The following TBX5 variants were observed in gnomAD, a reference collection of about 807,000 sequenced individuals.
TBX5 encodes T-box transcription factor TBX5.
In TBX5, 8 loss-of-function variants were observed where a neutral mutation model predicts 51.1. The ratio of observed to expected loss-of-function variants is 0.16; its 90% CI spans 0.09 to 0.28. The LOEUF (loss-of-function observed/expected upper bound fraction) is 0.28, where lower values mean the gene tolerates loss of function less well. Ranked by LOEUF, TBX5 falls within the 10% of genes least tolerant of loss-of-function variation. The pLI, the probability that TBX5 is intolerant of heterozygous loss-of-function variation, is 1.00. For missense variants in TBX5, 589 were observed against 671.7 expected (o/e 0.88, Z 1.36); for synonymous variants, 302 against 266.4 (o/e 1.13, Z -1.30).
At chr12:114,385,835 G>T (rs1260001640) in intron 6 of TBX5, among the ~76,000 whole-genome samples, 1 of 118,762 alleles carries the variant, frequency 8.4e-6, no homozygotes, top group Non-Finnish European at 1.8e-5. Context: ...CATTCCAGCT[G>T]GGTTCTTTTT....
chr12:114,385,486 T>C lies in TBX5; in HGVS notation c.745A>G (p.Arg249Gly), dbSNP rs1207284425. 2.5e-6 allele frequency: 4 copies of C among 1,614,050 alleles called. No individual in the cohort carries two copies. The African/African-American group carries it at 5.3e-5, about 22-fold the overall frequency. The change falls in exon 7 of 9, where the codon AGA (arginine) becomes GGA (glycine). Residue 249 changes from arginine (R) to glycine (G), a missense_variant. Arg to Gly is a moderately radical substitution (Grantham distance 125, BLOSUM62 -2). Around this residue, in one of 7 missense-constraint regions of TBX5, gnomAD observed 348 missense variants for 360.4 expected, o/e 0.97. Transcript: ENST00000405440. ...SDDMELHRMS[R>G]MQSKEYPVVP... Reference sequence around the variant, plus strand: ...AATCCACTTTCCTACCTTTGCATTCTTGACATTCTGTGCAGCTCCATGTCA... The same window carrying C: ...AATCCACTTTCCTACCTTTGCATTCCTGACATTCTGTGCAGCTCCATGTCA...
In TBX5 at chr12:114,399,548, G is replaced by A. The variant is rs749667596; in HGVS notation, c.327C>T (p.Ala109=). The stretch of plus-strand genomic sequence containing the variant: ...CTGCGAATTTGTATCTGTGATCGTC[G>A]GCAGGTACAATGTCCATGAGAAGAA... The part of the protein sequence containing the change: ...KYILLMDIVP[A]DDHRYKFADN... The change falls in exon 4 of 9, where the codon GCC becomes GCT. Residue 109 remains alanine, a synonymous_variant. Transcript: ENST00000405440. 144 of 1,613,938 alleles carry A rather than the reference G, an allele frequency of 8.9e-5. No individual in the cohort carries two copies. Among genetic ancestry groups the A allele is most frequent in the Non-Finnish European group, 1.2e-4 (140 of 1,180,034 alleles).
chr12:114,373,036 G>A (rs1870003227), intron 7 of TBX5, among the ~76,000 whole-genome samples: 1 of 149,842 alleles, frequency 6.7e-6, no homozygotes, highest in African/African-American at 2.5e-5. Context: ...GGGACACATT[G>A]CTCAATAAAC....
rs1157834821 is a variant in TBX5, at chr12:114,354,043, G to A, written c.*1489C>T. The A allele has an allele frequency of 6.6e-6, 1 of 152,374 alleles. No individual in the cohort carries two copies. Among genetic ancestry groups the A allele is most frequent in the East Asian group, 1.9e-4 (1 of 5,184 alleles). 9.4% of individuals were successfully genotyped at this position (152,374 alleles called of 1,614,324 possible). On this transcript the variant is annotated 3_prime_UTR_variant, in exon 9 of 9. Transcript: ENST00000405440. ...CAACGTAAAGAGACATAATCGCATA[G>A]GGACACTCACTTACAAACACACTCA... is the stretch of plus-strand genomic sequence containing the variant.
chr12:114,366,509 G>A (rs1033688004), intron 7 of TBX5, 118 bp from the exon 8 acceptor site: 5 of 912,088 alleles, frequency 5.5e-6, no homozygotes, highest in Non-Finnish European at 8.8e-6. Flanking sequence ...AAAAAAAAGA[G>A]GTCTTTGATG....
chr12:114,396,624 C>T (rs1871445280), intron 5 of TBX5, among the ~76,000 whole-genome samples: 1 of 152,120 alleles, frequency 6.6e-6, no homozygotes, highest in Non-Finnish European at 1.5e-5. Context: ...TCCAGAGGAG[C>T]AGAGAAAAAG....
At chr12:114,391,243 A>G (rs1565937807) in intron 6 of TBX5, among the ~76,000 whole-genome samples, 1 of 152,264 alleles carries the variant, frequency 6.6e-6, no homozygotes, top group Non-Finnish European at 1.5e-5. Context: ...TGAATTGATA[A>G]CATGATCAGG....
chr12:114,384,223 T>G (rs538015256), intron 7 of TBX5, among the ~76,000 whole-genome samples: 1 of 152,208 alleles, frequency 6.6e-6, no homozygotes, highest in South Asian at 2.1e-4. Flanking sequence ...TGTGCACAGA[T>G]GTACCACACT....
intron 5 of TBX5, among the ~76,000 whole-genome samples, chr12:114,395,904 C>G (rs1298323711): frequency 6.6e-6 from 1 of 152,094 alleles, no homozygotes; most frequent in Non-Finnish European, 1.5e-5. Flanking sequence ...GCATCCTCAC[C>G]AATAAAACTG....
intron 6 of TBX5, among the ~76,000 whole-genome samples, chr12:114,387,503 T>A (rs1293883821): frequency 6.6e-6 from 1 of 151,890 alleles, no homozygotes; most frequent in Non-Finnish European, 1.5e-5. Flanking sequence ...TGGCCACAGG[T>A]TGGAAAGAGG....
intron 7 of TBX5, among the ~76,000 whole-genome samples, chr12:114,372,973 TATATAC>T (rs1260432507): frequency 2.6e-5 from 3 of 116,540 alleles, no homozygotes; most frequent in Admixed American, 8.9e-5. Context: ...TTAGCGAATA[TATATAC>T]ATACACACAC....
upstream of TBX5, among the ~76,000 whole-genome samples, chr12:114,407,624 G>C (rs924043593): frequency 6.6e-6 from 1 of 152,170 alleles, no homozygotes; most frequent in Non-Finnish European, 1.5e-5. Flanking sequence ...AAGCAAAATA[G>C]GGATTTTCAA....
intron 6 of TBX5, among the ~76,000 whole-genome samples, chr12:114,390,956 C>G (rs186929246): frequency 6.6e-6 from 1 of 152,084 alleles, no homozygotes; most frequent in Non-Finnish European, 1.5e-5. Context: ...AAATCCAGCC[C>G]GAGATCACAG....
In TBX5 at chr12:114,403,754, G is replaced by T. The variant is rs104894383; in HGVS notation, c.145C>A (p.Gln49Lys). Residue 49 changes from glutamine to lysine, a missense_variant and splice_region_variant, in exon 2 of 9, where the codon CAG becomes AAG. Transcript: ENST00000405440. The part of the protein sequence containing the change: ...PSSPQAAFTQ[Q>K]GMEGIKVFLH... Reference sequence around the variant, plus strand: ...CCCGAAGCGCGAGGTCTCCTTACCTGCTGGGTGAAGGCGGCCTGCGGGGAC... The same window carrying T: ...CCCGAAGCGCGAGGTCTCCTTACCTTCTGGGTGAAGGCGGCCTGCGGGGAC... 6.2e-7 allele frequency: 1 copy of T among 1,613,260 alleles called. No individual in the cohort carries two copies. Among genetic ancestry groups the T allele is most frequent in the Non-Finnish European group, 8.5e-7 (1 of 1,179,984 alleles).
At chr12:114,406,721 C>A (rs1872250638), upstream of TBX5, among the ~76,000 whole-genome samples, 1 of 152,184 alleles carries the variant, frequency 6.6e-6, no homozygotes, top group African/African-American at 2.4e-5. Flanking sequence ...GGCCACCAGA[C>A]GTCCCCTGCT....
At chr12:114,395,988 C>T (rs1443486566) in intron 5 of TBX5, among the ~76,000 whole-genome samples, 3 of 152,154 alleles carry the variant, frequency 2.0e-5, no homozygotes. Flanking sequence ...CGAATCGCCG[C>T]GTTTAACAGC....
intron 7 of TBX5, among the ~76,000 whole-genome samples, chr12:114,378,394 C>T (rs1870315230): frequency 6.6e-6 from 1 of 152,156 alleles, no homozygotes; most frequent in Non-Finnish European, 1.5e-5. Flanking sequence ...CAGGCAGGCC[C>T]CTTCATCCAA....
chr12:114,355,691 C>T lies in TBX5; in HGVS notation c.1398G>A (p.Val466=). The T allele has an allele frequency of 6.2e-7, 1 of 1,614,102 alleles. No homozygotes were observed. Among genetic ancestry groups the T allele is most frequent in the Non-Finnish European group, 8.5e-7 (1 of 1,179,998 alleles). The part of the protein sequence containing the change: ...QHQTSVAHQP[V]VRQCGPQTGL... ...CAGTCTGAGGCCCACACTGCCTGAC[C>T]ACAGGCTGGTGGGCCACGGAGGTCT... Residue 466 remains valine, a synonymous_variant, in exon 9 of 9, where the codon GTG becomes GTA. Coordinates refer to ENST00000405440, the MANE Select transcript of TBX5 (RefSeq NM_181486.4).
chr12:114,401,082 G>A (rs759452791), intron 3 of TBX5, among the ~76,000 whole-genome samples: 11 of 152,104 alleles, frequency 7.2e-5, no homozygotes, highest in Non-Finnish European at 1.6e-4. Context: ...CTGGGCGCGC[G>A]CGTGCACATG....
Sources: allele counts gnomAD v4.1 joint callset (sites outside exome capture counted in the v4.1 genomes callset), GRCh38; gene constraint gnomAD v4.1.1; regional missense constraint gnomAD v4.1.1; transcripts MANE v1.5; gene names NCBI Gene and HGNC (gene_info 2026-07-23, HGNC 2026-07-21).